BRDT: variants seen among roughly 807,000 people sequenced by gnomAD.
The protein encoded by BRDT is bromodomain testis associated, also known as bromodomain testis-specific protein.
A neutral mutation model predicts 113.9 loss-of-function variants in BRDT; 77 were observed. The ratio of observed to expected loss-of-function variants is 0.68; its 90% CI spans 0.56 to 0.82. The LOEUF (loss-of-function observed/expected upper bound fraction) is 0.82, where lower values mean the gene tolerates loss of function less well. Among genes scored for constraint, BRDT ranks in the 40% least tolerant of loss-of-function variants. The pLI, the probability that BRDT is intolerant of heterozygous loss-of-function variation, is 0.00. For synonymous variants in BRDT, 358 were observed against 366.5 expected (o/e 0.98, Z 0.26); for missense variants, 1,027 against 1,105.4 (o/e 0.93, Z 1.01).
At chr1:91,992,142 G>A (rs1685842885) in intron 13 of BRDT, 122 bp from the exon 14 acceptor site, 1 of 500,602 alleles carries the variant, frequency 2.0e-6, no homozygotes, top group Non-Finnish European at 3.3e-6. Context: ...ATCTAACTAG[G>A]TTAGGGAAAC....
chr1:91,996,763 A>T (rs1163771453), intron 15 of BRDT, among the ~76,000 whole-genome samples: 1 of 152,232 alleles, frequency 6.6e-6, no homozygotes, highest in East Asian at 1.9e-4. Flanking sequence ...TGAATGAGCT[A>T]CTGGGAGATT....
At chr1:91,993,838 T>C (rs1440676097) in intron 14 of BRDT, among the ~76,000 whole-genome samples, 2 of 152,228 alleles carry the variant, frequency 1.3e-5, no homozygotes, top group African/African-American at 2.4e-5. Context: ...ACTAAGATCA[T>C]AGGCTTTGAC....
intron 1 of BRDT, among the ~76,000 whole-genome samples, chr1:91,951,364 A>G (rs962032714): frequency 3.3e-5 from 5 of 152,190 alleles, no homozygotes; most frequent in African/African-American, 1.2e-4. Flanking sequence ...GAGAATAGGA[A>G]AACAGTAAGT....
intron 3 of BRDT, 99 bp downstream of exon 3, chr1:91,964,863 G>T (rs1032289373): frequency 1.2e-5 from 10 of 811,432 alleles, no homozygotes; most frequent in Non-Finnish European, 1.0e-5. Context: ...AATTCTCTTC[G>T]TTTGAGATAC....
At chr1:92,000,582 T>A (rs1305497473) in intron 15 of BRDT, among the ~76,000 whole-genome samples, 1 of 152,204 alleles carries the variant, frequency 6.6e-6, no homozygotes, top group African/African-American at 2.4e-5. Context: ...AAGGGATTGA[T>A]GGATGGTAGA....
rs148720952 is a variant in BRDT, at chr1:91,999,102, G to A, written c.2288-2947G>A. Among the ~76,000 whole-genome samples, 724 of 152,192 alleles carry A rather than the reference G, an allele frequency of 4.8e-3. 5 individuals carry two copies. The highest frequency in any genetic ancestry group is 0.016 in the African/African-American group (678 of 41,528). ...GAGACCAGAGAAGGGAAGGAGACCA[G>A]CTGGGCTGTTGCAGTAGTAGGGAAA... On this transcript the variant is annotated intron_variant, in intron 15 of 18. Coordinates refer to ENST00000399546, the MANE Select transcript of BRDT (RefSeq NM_207189.4).
intron 15 of BRDT, among the ~76,000 whole-genome samples, chr1:91,994,695 C>T (rs1686112078): frequency 6.6e-6 from 1 of 151,012 alleles, no homozygotes; most frequent in Non-Finnish European, 1.5e-5. Flanking sequence ...GGTGAAACCC[C>T]GTCTCTACTA....
chr1:91,976,668 T>C (rs1684168759), intron 5 of BRDT, among the ~76,000 whole-genome samples: 1 of 152,198 alleles, frequency 6.6e-6, no homozygotes, highest in Non-Finnish European at 1.5e-5. Context: ...TGTTTGGGTA[T>C]CTTGATAGTA....
At chr1:91,962,101 A>C (rs12742322) in intron 1 of BRDT, among the ~76,000 whole-genome samples, 112,219 of 131,420 alleles carry the variant, frequency 0.85, 48,727 homozygotes, top group Non-Finnish European at 0.94. Flanking sequence ...GCCGAGATGG[A>C]GCCACTGCAC....
intron 1 of BRDT, 173 bp downstream of exon 1, chr1:91,949,855 C>T (rs1221431665): frequency 6.6e-6 from 1 of 152,132 alleles, no homozygotes; most frequent in Non-Finnish European, 1.5e-5. Context: ...CCAACTGCCT[C>T]CTCCCATTTT....
chr1:91,967,282 GC>G (rs1683158708), intron 3 of BRDT, among the ~76,000 whole-genome samples: 1 of 151,642 alleles, frequency 6.6e-6, no homozygotes, highest in Non-Finnish European at 1.5e-5. Context: ...TGTTGCCCAG[GC>G]TGGAGTGCAA....
At chr1:91,971,316 T>C (rs1358082629) in intron 4 of BRDT, among the ~76,000 whole-genome samples, 1 of 152,086 alleles carries the variant, frequency 6.6e-6, no homozygotes, top group African/African-American at 2.4e-5. Flanking sequence ...CCAAACCATA[T>C]CACGCTGGAA....
At chr1:92,013,647 C>T (rs763236827) in intron 18 of BRDT, among the ~76,000 whole-genome samples, 66 of 152,168 alleles carry the variant, frequency 4.3e-4, no homozygotes, top group Non-Finnish European at 7.8e-4. Flanking sequence ...ACAGCTTTTT[C>T]GTGATTAATA....
intron 18 of BRDT, among the ~76,000 whole-genome samples, chr1:92,009,545 CTTTTT>C (rs59044630): frequency 2.2e-4 from 23 of 103,414 alleles, no homozygotes; most frequent in African/African-American, 7.2e-4. Flanking sequence ...CAACTTGCCA[CTTTTT>C]TTTTTTTTTT....
intron 15 of BRDT, among the ~76,000 whole-genome samples, chr1:91,999,848 T>TA (rs1172457776): frequency 2.6e-5 from 4 of 152,236 alleles, no homozygotes; most frequent in African/African-American, 7.2e-5. Context: ...CACAGCCATG[T>TA]AAAAACTGAA....
intron 1 of BRDT, among the ~76,000 whole-genome samples, chr1:91,952,994 C>T (rs1460621797): frequency 6.6e-6 from 1 of 152,020 alleles, no homozygotes; most frequent in Non-Finnish European, 1.5e-5. Context: ...GGTACATGTG[C>T]ACAACGTGCA....
At chr1:91,990,059 G>T (rs1685624941) in intron 12 of BRDT, among the ~76,000 whole-genome samples, 1 of 152,204 alleles carries the variant, frequency 6.6e-6, no homozygotes, top group South Asian at 2.1e-4. Context: ...GGCTTGGAGA[G>T]ACTGATCAGG....
At chr1:91,956,360 T>C (rs1210768042) in intron 1 of BRDT, among the ~76,000 whole-genome samples, 1 of 151,254 alleles carries the variant, frequency 6.6e-6, no homozygotes, top group Non-Finnish European at 1.5e-5. Flanking sequence ...TGGATCTTAA[T>C]GTAGAGTCAT....
intron 12 of BRDT, among the ~76,000 whole-genome samples, chr1:91,984,353 A>G (rs1440771030): frequency 1.3e-5 from 2 of 152,162 alleles, no homozygotes; most frequent in African/African-American, 4.8e-5. Flanking sequence ...CACACAAAAA[A>G]AAGCCCTGAA....
Sources: gnomAD v4.1 joint callset for allele counts (sites outside exome capture counted in the v4.1 genomes callset) on GRCh38, gnomAD v4.1.1 for gene constraint, MANE v1.5 for transcripts, NCBI Gene and HGNC (gene_info 2026-07-23, HGNC 2026-07-21) for gene names.